Variants in MYOM1 observed in about 807,000 individuals in gnomAD.
MYOM1 encodes myomesin 1.
A neutral mutation model predicts 205.3 loss-of-function variants in MYOM1; 164 were observed. The ratio of observed to expected loss-of-function variants is 0.80; its 90% CI spans 0.70 to 0.91. The LOEUF is 0.91. Ranked by LOEUF, MYOM1 falls within the 40% of genes least tolerant of loss-of-function variation. MYOM1 has a pLI of 0.00. For synonymous variants in MYOM1, 772 were observed against 789.4 expected (o/e 0.98, Z 0.37); for missense variants, 2,011 against 2,127.3 (o/e 0.95, Z 1.08).
chr18:3,134,902 C>A, intron 15 of MYOM1, 78 bp from the exon 16 acceptor site: 4 of 1,418,302 alleles, frequency 2.8e-6, no homozygotes, highest in Non-Finnish European at 4.0e-6. Flanking sequence ...AAACACACAC[C>A]TAGGTATTTT....
intron 2 of MYOM1, among the ~76,000 whole-genome samples, chr18:3,205,950 G>A (rs2081119047): frequency 6.6e-6 from 1 of 152,142 alleles, no homozygotes; most frequent in Non-Finnish European, 1.5e-5. Context: ...TAAAACCCTT[G>A]TCTTCTGAGA....
At chr18:3,201,877 C>T (rs911235232) in intron 2 of MYOM1, among the ~76,000 whole-genome samples, 4 of 152,086 alleles carry the variant, frequency 2.6e-5, no homozygotes, top group Non-Finnish European at 5.9e-5. Flanking sequence ...CTCTTGAGCT[C>T]AAGTGAGTCA....
intron 25 of MYOM1, 105 bp from the exon 26 acceptor site, chr18:3,094,411 A>G (rs1317553493): frequency 8.6e-7 from 1 of 1,165,498 alleles, no homozygotes; most frequent in African/African-American, 1.6e-5. Context: ...AATGGAAATG[A>G]CAATGTAGCA....
At chr18:3,113,322 A>G (rs1326713064) in intron 21 of MYOM1, among the ~76,000 whole-genome samples, 12 of 3,868 alleles carry the variant, frequency 3.1e-3, no homozygotes, top group African/African-American at 4.3e-3. Context: ...ATATATATAT[A>G]TATATATATA....
chr18:3,102,648 A>C lies in MYOM1; in HGVS notation c.3419-18T>G. 1 of 1,606,692 alleles carries C rather than the reference A, an allele frequency of 6.2e-7. No individual in the cohort carries two copies. On this transcript the variant is annotated intron_variant, in intron 22 of 37. Coordinates refer to ENST00000356443, the MANE Select transcript of MYOM1 (RefSeq NM_003803.4). Reference sequence around the variant, plus strand: ...TTTGGTTCCTACAAGATCAAAAAGAAGGCACTGATACTTCGTGGAGGAAAG... The same window carrying C: ...TTTGGTTCCTACAAGATCAAAAAGACGGCACTGATACTTCGTGGAGGAAAG...
chr18:3,218,317 A>G (rs752487885), intron 1 of MYOM1, among the ~76,000 whole-genome samples: 17 of 152,242 alleles, frequency 1.1e-4, no homozygotes, highest in Non-Finnish European at 2.1e-4. Context: ...AAAATGAAGA[A>G]TGAATCCTTC....
chr18:3,167,525 A>G lies in MYOM1; in HGVS notation c.1339+1292T>C, dbSNP rs187117166. Among the ~76,000 whole-genome samples, 12 of 152,298 alleles carry G rather than the reference A, an allele frequency of 7.9e-5. No individual in the cohort carries two copies. The East Asian group carries it at 2.3e-3, about 29-fold the overall frequency. On this transcript the variant is annotated intron_variant, in intron 9 of 37. Coordinates refer to ENST00000356443, the MANE Select transcript of MYOM1 (RefSeq NM_003803.4). ...CAGCCACGCAAGTAGCTGGGACTACAGGTGTGCGCCACCACGCCCGGCTAA... is the reference window on the plus strand; with the variant it reads ...CAGCCACGCAAGTAGCTGGGACTACGGGTGTGCGCCACCACGCCCGGCTAA...
chr18:3,108,521 T>C (rs964590858), intron 22 of MYOM1, among the ~76,000 whole-genome samples: 1 of 151,886 alleles, frequency 6.6e-6, no homozygotes, highest in Admixed American at 6.6e-5. Flanking sequence ...CCAAAGCCCA[T>C]ATATTAGCCT....
chr18:3,110,268 A>C (rs1238070599), intron 22 of MYOM1, among the ~76,000 whole-genome samples: 1 of 152,162 alleles, frequency 6.6e-6, no homozygotes, highest in African/African-American at 2.4e-5. Flanking sequence ...AAACTGAAGC[A>C]TGGGACAGAA....
chr18:3,137,100 C>T (rs543550620), intron 14 of MYOM1, among the ~76,000 whole-genome samples: 1 of 151,602 alleles, frequency 6.6e-6, no homozygotes, highest in African/African-American at 2.4e-5. Flanking sequence ...ACAGGCGCCC[C>T]CCACCACACC....
At chr18:3,099,076 C>T (rs114054840) in intron 25 of MYOM1, among the ~76,000 whole-genome samples, 4,067 of 152,272 alleles carry the variant, frequency 0.027, 180 homozygotes, top group African/African-American at 0.093. Flanking sequence ...GCTCCGGCCT[C>T]CCAAAGTGCT....
chr18:3,226,410 C>G, the MYOM1 span, among the ~76,000 whole-genome samples: 4 of 152,222 alleles, frequency 2.6e-5, no homozygotes, highest in Middle Eastern at 6.8e-3. This position sits in a 1 kb window ranked among gnomAD's most constrained non-coding sequence, Gnocchi z 4.6. Context: ...ACCCTATGAG[C>G]CTCCATAATT....
At chr18:3,169,191 T>C (rs971152753) in intron 8 of MYOM1, among the ~76,000 whole-genome samples, 1 of 152,214 alleles carries the variant, frequency 6.6e-6, no homozygotes, top group Non-Finnish European at 1.5e-5. Flanking sequence ...TCATTGGTTA[T>C]ATAAGCTAAA....
At position 3,164,649 on chromosome 18, in the gene MYOM1, C is replaced by T. The variant is rs773516107; in HGVS notation, c.1340-210G>A. Among the ~76,000 whole-genome samples the T allele has an allele frequency of 5.6e-4, 85 of 152,130 alleles. 1 individual carries two copies. Among genetic ancestry groups the T allele is most frequent in the Non-Finnish European group, 6.6e-4 (45 of 68,030 alleles). The stretch of plus-strand genomic sequence containing the variant: ...GGGGATAAGGGGCAGACACATAATC[C>T]GCAGGGGCCTCGTGTAAAATTACAT... On this transcript the variant is annotated intron_variant, in intron 9 of 37. Transcript: ENST00000356443.
intron 16 of MYOM1, 99 bp downstream of exon 16, chr18:3,134,551 A>T: frequency 7.5e-7 from 1 of 1,341,708 alleles, no homozygotes; most frequent in South Asian, 1.8e-5. Context: ...AAAAAGTAAA[A>T]TTTTTTAAAA....
At chr18:3,150,535 G>A (rs761616425) in intron 12 of MYOM1, among the ~76,000 whole-genome samples, 12 of 152,048 alleles carry the variant, frequency 7.9e-5, no homozygotes, top group African/African-American at 4.8e-5. Flanking sequence ...AGAGACAAGG[G>A]ATGTTGCTCA....
rs1488099906 is a variant in MYOM1 at position 3,152,594 on chromosome 18, T to G, written c.1644-701A>C. ...GTGGGTCATTCCCAGCAGACAAATATGACAGCTCATATCATGCTGTTGGCC... is the reference window on the plus strand; with the variant it reads ...GTGGGTCATTCCCAGCAGACAAATAGGACAGCTCATATCATGCTGTTGGCC... On this transcript the variant is annotated intron_variant, in intron 11 of 37. Transcript: ENST00000356443. This position sits in a 1 kb window ranked among gnomAD's most constrained non-coding sequence, Gnocchi z 4.3. Among the ~76,000 whole-genome samples, 2 of 152,188 alleles carry G rather than the reference T, an allele frequency of 1.3e-5. No homozygotes were observed. Among genetic ancestry groups the G allele is most frequent in the East Asian group, 1.9e-4 (1 of 5,190 alleles).
the MYOM1 span, among the ~76,000 whole-genome samples, chr18:3,236,121 G>A: frequency 6.6e-6 from 1 of 152,132 alleles, no homozygotes; most frequent in Non-Finnish European, 1.5e-5. Context: ...GAGTGAAGTA[G>A]GACACTTCAC....
At chr18:3,183,442 G>C (rs1356907310) in intron 5 of MYOM1, among the ~76,000 whole-genome samples, 1 of 152,176 alleles carries the variant, frequency 6.6e-6, no homozygotes, top group East Asian at 1.9e-4. Flanking sequence ...GCTGCTGAGT[G>C]CTTGTATCAT....
Sources: allele counts gnomAD v4.1 joint callset (sites outside exome capture counted in the v4.1 genomes callset), GRCh38; gene constraint gnomAD v4.1.1; non-coding constraint Gnocchi (gnomAD v3.1); transcripts MANE v1.5; gene names NCBI Gene and HGNC (gene_info 2026-07-23, HGNC 2026-07-21).